Variants in VAT1L observed in about 807,000 individuals in gnomAD.
VAT1L encodes vesicle amine transport 1 like, also known as putative NADPH-dependent quinone oxidoreductase VAT1L.
A neutral mutation model predicts 44.1 loss-of-function variants in VAT1L; 34 were observed. The ratio of observed to expected loss-of-function variants is 0.77; its 90% CI spans 0.59 to 1.03. The LOEUF (loss-of-function observed/expected upper bound fraction) is 1.03, where lower values mean the gene tolerates loss of function less well. VAT1L is among the 50% of genes least tolerant of loss of function. VAT1L has a pLI of 0.00. For synonymous variants in VAT1L, 253 were observed against 202.2 expected (o/e 1.25, Z -2.13); for missense variants, 615 against 538.8 (o/e 1.14, Z -1.40).
intron 3 of VAT1L, among the ~76,000 whole-genome samples, chr16:77,829,904 A>C (rs1270244591): frequency 6.6e-6 from 1 of 152,142 alleles, no homozygotes; most frequent in African/African-American, 2.4e-5. Flanking sequence ...AGAGATTACT[A>C]TAGGCAGTAA....
At chr16:77,834,834 G>A (rs1392774652) in intron 3 of VAT1L, among the ~76,000 whole-genome samples, 4 of 152,104 alleles carry the variant, frequency 2.6e-5, no homozygotes, top group Non-Finnish European at 5.9e-5. Context: ...GTCAGTCTAT[G>A]TCCAAAGCTT....
At chr16:77,919,070 T>C (rs16946795) in intron 7 of VAT1L, among the ~76,000 whole-genome samples, 8,437 of 152,270 alleles carry the variant, frequency 0.055, 801 homozygotes, top group African/African-American at 0.19. Context: ...AGGAAGTGCA[T>C]TGAATCCAAC....
chr16:77,804,117 C>G (rs567155109), intron 1 of VAT1L, among the ~76,000 whole-genome samples: 1 of 152,288 alleles, frequency 6.6e-6, no homozygotes, highest in Admixed American at 6.5e-5. Context: ...AGCCAAGCCC[C>G]AAAACACAGA....
intron 2 of VAT1L, among the ~76,000 whole-genome samples, chr16:77,817,558 G>A (rs1282830875): frequency 1.3e-5 from 2 of 152,182 alleles, no homozygotes; most frequent in Non-Finnish European, 2.9e-5. Flanking sequence ...TGAAGAAGAT[G>A]TTAAAGTCAA....
intron 7 of VAT1L, among the ~76,000 whole-genome samples, chr16:77,933,206 T>C (rs1388834742): frequency 2.6e-5 from 4 of 152,236 alleles, no homozygotes; most frequent in African/African-American, 4.8e-5. Context: ...TTTGGACTTA[T>C]AGTAAACCCC....
Position 77,885,219 on chromosome 16 carries a change from G to A in VAT1L, c.1077+417G>A, listed in dbSNP as rs146388078. 3.9e-4 allele frequency among the ~76,000 whole-genome samples: 60 copies of A among 152,294 alleles called. 1 individual carries two copies. The highest frequency in any genetic ancestry group is 1.4e-3 in the African/African-American group (57 of 41,560). On this transcript the variant is annotated intron_variant, in intron 7 of 8. Transcript: ENST00000302536. Reference sequence around the variant, plus strand: ...TGCTCCGCTGGATGCCTTGAGCCCCGATGAGACATTAGCTATCACGATGGA... The same window carrying A: ...TGCTCCGCTGGATGCCTTGAGCCCCAATGAGACATTAGCTATCACGATGGA...
At chr16:77,928,234 C>T (rs949294869) in intron 7 of VAT1L, among the ~76,000 whole-genome samples, 7 of 152,122 alleles carry the variant, frequency 4.6e-5, no homozygotes, top group African/African-American at 1.4e-4. Flanking sequence ...CCAGGGAAGC[C>T]AACATCTCTC....
chr16:77,911,820 T>C (rs965355383), intron 7 of VAT1L, among the ~76,000 whole-genome samples: 19 of 152,190 alleles, frequency 1.2e-4, no homozygotes, highest in South Asian at 1.0e-3. Context: ...ACCTCTGGCA[T>C]AGAACTCGGG....
chr16:77,886,397 A>C (rs994467322), intron 7 of VAT1L, among the ~76,000 whole-genome samples: 2 of 152,214 alleles, frequency 1.3e-5, no homozygotes, highest in East Asian at 3.9e-4. Flanking sequence ...ATACTTGTCC[A>C]TGGGCCAGAG....
intron 4 of VAT1L, among the ~76,000 whole-genome samples, chr16:77,871,389 G>C (rs1012617325): frequency 1.3e-5 from 2 of 152,122 alleles, no homozygotes; most frequent in African/African-American, 4.8e-5. Context: ...ATGTGAAGGA[G>C]ACCCACAAGT....
chr16:77,849,098 G>T (rs947524004), intron 3 of VAT1L, among the ~76,000 whole-genome samples: 1 of 152,138 alleles, frequency 6.6e-6, no homozygotes, highest in Non-Finnish European at 1.5e-5. Flanking sequence ...TACATGATGG[G>T]TTGATGGGTG....
At chr16:77,968,624 T>C (rs1325713480) in intron 7 of VAT1L, among the ~76,000 whole-genome samples, 2 of 151,660 alleles carry the variant, frequency 1.3e-5, no homozygotes, top group African/African-American at 2.4e-5. Context: ...ACTCAGGAAG[T>C]TGAGGCTGGA....
At chr16:77,919,943 G>A (rs562970006) in intron 7 of VAT1L, among the ~76,000 whole-genome samples, 1 of 152,220 alleles carries the variant, frequency 6.6e-6, no homozygotes, top group African/African-American at 2.4e-5. Flanking sequence ...AAATAGCCGA[G>A]TATGGTGGTG....
At chr16:77,888,197 C>G (rs1234688968) in intron 7 of VAT1L, among the ~76,000 whole-genome samples, 1 of 152,234 alleles carries the variant, frequency 6.6e-6, no homozygotes, top group Non-Finnish European at 1.5e-5. Context: ...CATTCTGTCT[C>G]CCTTTACTCC....
chr16:77,962,739 AGAAGGAAGGAAG>A (rs200754303), intron 7 of VAT1L, among the ~76,000 whole-genome samples: 36 of 129,328 alleles, frequency 2.8e-4, no homozygotes, highest in African/African-American at 6.5e-4. Context: ...AAAGAAGGAA[AGAAGGAAGGAAG>A]GAAGGAAGGA....
At chr16:77,970,505 A>G (rs2018267607) in intron 7 of VAT1L, among the ~76,000 whole-genome samples, 1 of 152,238 alleles carries the variant, frequency 6.6e-6, no homozygotes, top group Non-Finnish European at 1.5e-5. Flanking sequence ...TAATTCTGCT[A>G]TGTAGTCTTT....
At chr16:77,933,163 T>C (rs2017751944) in intron 7 of VAT1L, among the ~76,000 whole-genome samples, 1 of 152,238 alleles carries the variant, frequency 6.6e-6, no homozygotes, top group Non-Finnish European at 1.5e-5. Context: ...ATACTTCAAC[T>C]ATCACTCCTT....
In VAT1L at chr16:77,855,805, G is replaced by C. The variant is rs528632585; in HGVS notation, c.580-6943G>C. 2.0e-5 allele frequency among the ~76,000 whole-genome samples: 3 copies of C among 152,222 alleles called. No individual in the cohort carries two copies. In the East Asian group the frequency reaches 5.8e-4, roughly 30 times the overall value. The stretch of plus-strand genomic sequence containing the variant: ...GAAGCCAAGGCGGGCGGATCACGAG[G>C]TCAAGAAATTGAGACCATCCTGGCC... On this transcript the variant is annotated intron_variant, in intron 3 of 8. Transcript: ENST00000302536.
In VAT1L at chr16:77,816,392, C is replaced by T. The variant is rs552021381; in HGVS notation, c.234-529C>T. 2.0e-5 allele frequency among the ~76,000 whole-genome samples: 3 copies of T among 152,230 alleles called. No homozygotes were observed. The East Asian group carries it at 5.8e-4, about 29-fold the overall frequency. On this transcript the variant is annotated intron_variant, in intron 1 of 8. Transcript: ENST00000302536. Reference sequence around the variant, plus strand: ...TTCACCATTGTGGGAGCTGTTTATGCATAGTGCTGATGTAAGTGTGTGTGA... The same window carrying T: ...TTCACCATTGTGGGAGCTGTTTATGTATAGTGCTGATGTAAGTGTGTGTGA...
Sources: gnomAD v4.1 joint callset for allele counts (sites outside exome capture counted in the v4.1 genomes callset) on GRCh38, gnomAD v4.1.1 for gene constraint, MANE v1.5 for transcripts, NCBI Gene and HGNC (gene_info 2026-07-23, HGNC 2026-07-21) for gene names.